Variants in NLGN4X observed in about 807,000 individuals in gnomAD.
NLGN4X encodes neuroligin 4 X-linked, also known as neuroligin-4, X-linked.
NLGN4X carries 3 observed loss-of-function variants against 40.3 expected under a neutral mutation model. The observed-to-expected ratio is 0.07, with a 90% confidence interval of 0.03 to 0.19. The LOEUF (loss-of-function observed/expected upper bound fraction) is 0.19. NLGN4X is among the 10% of genes least tolerant of loss of function. The pLI is 1.00. For synonymous variants in NLGN4X, 270 were observed against 306.8 expected, an observed-to-expected ratio of 0.88 and a Z score of 1.25; for missense variants, 382 against 708.3, an observed-to-expected ratio of 0.54 and a Z score of 5.23.
At chrX:6,190,619 A>T (rs887854725) in intron 1 of NLGN4X, among the ~76,000 whole-genome samples, 3 of 111,884 alleles carry the variant, frequency 2.7e-5, no homozygotes, top group African/African-American at 9.8e-5. Context: ...ATATCACAAA[A>T]GTATTCTACC....
At chrX:5,995,936 T>G (rs1398058383) in intron 3 of NLGN4X, among the ~76,000 whole-genome samples, 1 of 112,007 alleles carries the variant, frequency 8.9e-6, no homozygotes, top group Non-Finnish European at 1.9e-5. Context: ...TATCCATAAG[T>G]GCCATTCATC....
intron 3 of NLGN4X, among the ~76,000 whole-genome samples, chrX:5,988,428 C>A (rs1441106901): frequency 8.9e-6 from 1 of 112,209 alleles, no homozygotes; most frequent in Non-Finnish European, 1.9e-5. Flanking sequence ...TGTATGGAAA[C>A]CACATTATAA....
intron 3 of NLGN4X, among the ~76,000 whole-genome samples, chrX:6,021,855 G>A (rs1456523278): frequency 9.2e-6 from 1 of 109,246 alleles, no homozygotes; most frequent in Non-Finnish European, 1.9e-5. Flanking sequence ...GTTATCTACT[G>A]CATGGACCCC....
intron 1 of NLGN4X, among the ~76,000 whole-genome samples, chrX:6,218,707 T>C (rs1278932925): frequency 8.9e-6 from 1 of 112,120 alleles, no homozygotes; most frequent in African/African-American, 3.2e-5. Context: ...CAAGTAGTCT[T>C]GGTAATTTAA....
At chrX:6,080,131 A>G (rs2038311512) in intron 2 of NLGN4X, among the ~76,000 whole-genome samples, 1 of 110,493 alleles carries the variant, frequency 9.1e-6, no homozygotes, top group Non-Finnish European at 1.9e-5. Context: ...AAAAAACCAG[A>G]ACAACAAGCC....
chrX:6,113,334 C>T (rs1167125625), intron 2 of NLGN4X, among the ~76,000 whole-genome samples: 2 of 111,205 alleles, frequency 1.8e-5, no homozygotes, highest in South Asian at 3.8e-4. Context: ...ACACAATCTT[C>T]GCCAATTTAG....
chrX:6,161,719 C>T (rs945880501), intron 1 of NLGN4X, among the ~76,000 whole-genome samples: 8 of 108,855 alleles, frequency 7.3e-5, no homozygotes. Flanking sequence ...TAGATAGGAG[C>T]TTAATATTTC....
intron 2 of NLGN4X, among the ~76,000 whole-genome samples, chrX:6,069,028 G>A (rs1222425810): frequency 1.8e-5 from 2 of 112,026 alleles, no homozygotes; most frequent in Non-Finnish European, 3.8e-5. Flanking sequence ...GGTGGCTCAC[G>A]CCTGTAATCC....
chrX:5,989,084 T>A (rs868160894), intron 3 of NLGN4X, among the ~76,000 whole-genome samples: 19 of 80,461 alleles, frequency 2.4e-4, no homozygotes, highest in African/African-American at 5.5e-4. Context: ...ATAAAAAAAA[T>A]AAAAAAAATA....
At chrX:6,199,436 T>C (rs907178879) in intron 1 of NLGN4X, among the ~76,000 whole-genome samples, 5 of 111,756 alleles carry the variant, frequency 4.5e-5, no homozygotes, top group Non-Finnish European at 9.4e-5. Flanking sequence ...GGATTGATTT[T>C]ACACAATTTT....
intron 3 of NLGN4X, among the ~76,000 whole-genome samples, chrX:5,922,270 C>T (rs2033100014): frequency 9.0e-6 from 1 of 110,797 alleles, no homozygotes; most frequent in Admixed American, 9.7e-5. Context: ...AATAGGTTCT[C>T]GTGTTCCATA....
chrX:6,103,812 A>C (rs1235301249), intron 2 of NLGN4X, among the ~76,000 whole-genome samples: 1 of 112,443 alleles, frequency 8.9e-6, no homozygotes. Flanking sequence ...AAACATTAAT[A>C]GTCACTAGTT....
intron 3 of NLGN4X, among the ~76,000 whole-genome samples, chrX:5,945,299 G>A (rs1921510): frequency 0.3 from 33,304 of 110,700 alleles, 4,442 homozygotes; most frequent in East Asian, 0.58. Flanking sequence ...ACCATGCTCA[G>A]GAAGCACTGA....
chrX:6,226,858 G>C (rs1265520325), intron 1 of NLGN4X: 1 of 122,350 alleles, frequency 8.2e-6, no homozygotes, highest in Non-Finnish European at 1.7e-5. Context: ...CAGCCGAGCG[G>C]CACCTACCTC....
intron 1 of NLGN4X, among the ~76,000 whole-genome samples, chrX:6,208,828 C>A (rs1924288951): frequency 9.0e-6 from 1 of 111,548 alleles, no homozygotes; most frequent in South Asian, 3.8e-4. Context: ...ATGGAGAGTC[C>A]TCAAAGAACT....
intron 2 of NLGN4X, among the ~76,000 whole-genome samples, chrX:6,045,914 G>A (rs1355834507): frequency 9.0e-6 from 1 of 111,409 alleles, no homozygotes; most frequent in Non-Finnish European, 1.9e-5. Flanking sequence ...ACAAAATAAA[G>A]TCACTCCTGC....
chrX:6,214,554 C>T (rs1227342124), intron 1 of NLGN4X, among the ~76,000 whole-genome samples: 1 of 111,239 alleles, frequency 9.0e-6, no homozygotes, highest in Non-Finnish European at 1.9e-5. Context: ...GATTATATCT[C>T]CCAGGACTAA....
At chrX:5,966,569 C>T (rs1235241739) in intron 3 of NLGN4X, among the ~76,000 whole-genome samples, 1 of 112,483 alleles carries the variant, frequency 8.9e-6, no homozygotes, top group Non-Finnish European at 1.9e-5. Flanking sequence ...TTACCTCGTA[C>T]CACTTTGCCT....
At chrX:5,906,635 C>T (rs1371306017) in intron 4 of NLGN4X, among the ~76,000 whole-genome samples, 1 of 111,326 alleles carries the variant, frequency 9.0e-6, no homozygotes, top group Non-Finnish European at 1.9e-5. Context: ...CTCAGCCCCC[C>T]AAGTAACTGG....
Sources: allele counts gnomAD v4.1 joint callset (sites outside exome capture counted in the v4.1 genomes callset), GRCh38; gene constraint gnomAD v4.1.1; transcripts MANE v1.5; gene names NCBI Gene and HGNC (gene_info 2026-07-23, HGNC 2026-07-21).